Variants in NRL observed in about 807,000 individuals in gnomAD.
The protein encoded by NRL is neural retina leucine zipper, also known as neural retina-specific leucine zipper protein.
NRL carries 16 observed loss-of-function variants against 12.5 expected under a neutral mutation model. The ratio of observed to expected loss-of-function variants is 1.28; its 90% CI spans 0.87 to 1.95. The LOEUF (loss-of-function observed/expected upper bound fraction) is 1.95, where lower values mean the gene tolerates loss of function less well. Ranked by LOEUF, NRL falls within the 30% of genes most tolerant of loss-of-function variation. NRL has a pLI of 0.00. For missense variants in NRL, 314 were observed against 325.8 expected (o/e 0.96, Z 0.28); for synonymous variants, 142 against 150.9 (o/e 0.94, Z 0.43).
chr14:24,100,834 T>C (rs2037134362), intron 1 of NRL, among the ~76,000 whole-genome samples: 1 of 152,176 alleles, frequency 6.6e-6, no homozygotes, highest in Non-Finnish European at 1.5e-5. Context: ...ATCAGGTCAG[T>C]GCTTGAGTCT....
At chr14:24,102,443 C>T (rs939842504) in intron 1 of NRL, among the ~76,000 whole-genome samples, 1 of 152,128 alleles carries the variant, frequency 6.6e-6, no homozygotes, top group African/African-American at 2.4e-5. Context: ...CCATATCTAA[C>T]CCCATTCCCT....
In NRL at chr14:24,085,577, G is replaced by A. The variant is rs918730108; in HGVS notation, c.-27-2702C>T. Among the ~76,000 whole-genome samples, 2 of 152,174 alleles carry A rather than the reference G, an allele frequency of 1.3e-5. No individual in the cohort carries two copies. The highest frequency in any genetic ancestry group is 3.8e-4 in the East Asian group (2 of 5,204). On this transcript the variant is annotated intron_variant, in intron 1 of 2. Transcript: ENST00000561028. The surrounding 1 kb of genome is among the most constrained non-coding windows in gnomAD (Gnocchi z 4.1). ...ACCTGTCCGAAGCTGTTTAAATAGG[G>A]TCTATGGAGTTAAAGGCCACTTCCT...
chr14:24,100,670 A>T lies in NRL; in HGVS notation c.-28+14052T>A, dbSNP rs1041133535. 4.3e-6 allele frequency: 3 copies of T among 695,438 alleles called. No homozygotes were observed. In the African/African-American group the frequency reaches 5.8e-5, roughly 13 times the overall value. The allele number at this position is 695,438 out of a possible 1,614,324, so 43.1% of individuals were successfully genotyped here. ...TCCATAAAGTTTGGCCCATTAGGAAAAGAGGAAAGCTGCCTCCTCTGCTCC... is the reference window on the plus strand; with the variant it reads ...TCCATAAAGTTTGGCCCATTAGGAATAGAGGAAAGCTGCCTCCTCTGCTCC... On this transcript the variant is annotated intron_variant, in intron 1 of 2. Coordinates refer to ENST00000561028, the MANE Select transcript of NRL (RefSeq NM_001354768.3).
At position 24,086,195 on chromosome 14, in the gene NRL, C is replaced by G. The variant is rs184765997; in HGVS notation, c.-27-3320G>C. Among the ~76,000 whole-genome samples, 320 of 151,956 alleles carry G rather than the reference C, an allele frequency of 2.1e-3. 1 individual carries two copies. Among genetic ancestry groups the G allele is most frequent in the African/African-American group, 7.3e-3 (301 of 41,418 alleles). On this transcript the variant is annotated intron_variant, in intron 1 of 2. Transcript: ENST00000561028. ...TGCCCCTGCACTCCAGCTTGGGCAA[C>G]AGAGAGAGACTCCATCTCAAAAAAA... is the stretch of plus-strand genomic sequence containing the variant.
intron 1 of NRL, among the ~76,000 whole-genome samples, chr14:24,113,379 A>T (rs564080947): frequency 1.8e-4 from 25 of 139,034 alleles, no homozygotes; most frequent in African/African-American, 6.8e-4. Context: ...AGAGTATAAT[A>T]AAAAAAAAAA....
At chr14:24,101,134 C>T (rs1326428842) in intron 1 of NRL, among the ~76,000 whole-genome samples, 1 of 152,204 alleles carries the variant, frequency 6.6e-6, no homozygotes, top group Non-Finnish European at 1.5e-5. Context: ...CCTCAGCCTT[C>T]CCACCCAACT....
intron 1 of NRL, among the ~76,000 whole-genome samples, chr14:24,109,717 C>A (rs966815750): frequency 9.3e-5 from 14 of 149,834 alleles, no homozygotes; most frequent in African/African-American, 2.9e-4. Context: ...AAAAAAAAAT[C>A]TTTTATACGC....
intron 1 of NRL, among the ~76,000 whole-genome samples, chr14:24,113,602 A>G (rs2037462523): frequency 1.3e-5 from 2 of 152,252 alleles, no homozygotes; most frequent in Admixed American, 1.3e-4. Context: ...AATACCAGGC[A>G]CTTGCTTTAA....
At position 24,079,348 on chromosome 14, in the gene NRL, C is replaced by A. The variant is rs2036209712; in HGVS notation, c.*1888G>T. Among the ~76,000 whole-genome samples, 1 of 152,312 alleles carries A rather than the reference C, an allele frequency of 6.6e-6. No homozygotes were observed. The highest frequency in any genetic ancestry group is 3.4e-3 in the Middle Eastern group (1 of 294). On this transcript the variant is annotated 3_prime_UTR_variant, in exon 3 of 3. Coordinates refer to ENST00000561028, the MANE Select transcript of NRL (RefSeq NM_001354768.3). ...GAAATTTAGAGTGAGAGAAAAAGAG[C>A]TGGGCTCCCGGAAGGACCCTCCCTG...
At position 24,082,991 on chromosome 14, in the gene NRL, A is replaced by T. The variant is rs962284424; in HGVS notation, c.-27-116T>A. The T allele has an allele frequency of 1.1e-5, 11 of 990,722 alleles. No homozygotes were observed. In the Admixed American group the frequency reaches 1.9e-4, roughly 17 times the overall value. 61.4% of individuals were successfully genotyped at this position (990,722 alleles called of 1,614,324 possible). A position where few individuals can be genotyped will look rare whatever the true frequency, so the allele number is the denominator to read the frequency against. ...TGGAGCAAGAGTTTGGGAAAGCCAG[A>T]GGGATGGTGCAGCTCTGTTCACTGC... On this transcript the variant is annotated intron_variant, in intron 1 of 2. Transcript: ENST00000561028.
At chr14:24,104,165 C>G (rs2037285642) in intron 1 of NRL, 1 of 581,664 alleles carries the variant, frequency 1.7e-6, no homozygotes, top group Admixed American at 3.0e-5. Flanking sequence ...CCTATCTTCA[C>G]AGGCTTCCCT....
In NRL at chr14:24,080,433, T is replaced by C. The variant is rs527728224; in HGVS notation, c.*803A>G. 6.6e-6 allele frequency: 1 copy of C among 152,416 alleles called. No homozygotes were observed. Among genetic ancestry groups the C allele is most frequent in the Non-Finnish European group, 1.5e-5 (1 of 68,026 alleles). 9.4% of individuals were successfully genotyped at this position (152,416 alleles called of 1,614,324 possible). On this transcript the variant is annotated 3_prime_UTR_variant, in exon 3 of 3. Transcript: ENST00000561028. Reference sequence around the variant, plus strand: ...AGGAGGTGCCTTTGGCGAGATTGTCTTGGGGACTTCTTGGGGAGACCACCG... The same window carrying C: ...AGGAGGTGCCTTTGGCGAGATTGTCCTGGGGACTTCTTGGGGAGACCACCG...
chr14:24,114,262 T>C (rs2037482912), intron 1 of NRL: 1 of 152,094 alleles, frequency 6.6e-6, no homozygotes, highest in Admixed American at 6.5e-5. Context: ...TCTTAAAAAA[T>C]TGTCAGACCG....
intron 1 of NRL, chr14:24,095,465 A>G: frequency 3.0e-6 from 1 of 337,296 alleles, no homozygotes; most frequent in Non-Finnish European, 5.9e-6. Flanking sequence ...TCTACCCCAG[A>G]CAGACTCAAG....
At chr14:24,097,121 CCCA>C (rs2036921143) in intron 1 of NRL, 1 of 1,613,820 alleles carries the variant, frequency 6.2e-7, no homozygotes, top group Non-Finnish European at 8.5e-7. Context: ...CCGAAAGCTC[CCCA>C]AGTACAATAA....
intron 1 of NRL, chr14:24,099,243 G>A: frequency 6.3e-7 from 1 of 1,586,088 alleles, no homozygotes; most frequent in Non-Finnish European, 8.6e-7. Flanking sequence ...GCTGGTGAGG[G>A]CCTGGTGAGA....
At chr14:24,087,959 A>G (rs2036505102) in intron 1 of NRL, among the ~76,000 whole-genome samples, 1 of 152,068 alleles carries the variant, frequency 6.6e-6, no homozygotes, top group Admixed American at 6.5e-5. Context: ...CCTGGGGAGG[A>G]TGAGGGTGCA....
chr14:24,090,159 A>G (rs1195027834), intron 1 of NRL, among the ~76,000 whole-genome samples: 1 of 151,658 alleles, frequency 6.6e-6, no homozygotes, highest in East Asian at 1.9e-4. Context: ...CAACAATGAA[A>G]TAAGAGTCAG....
chr14:24,091,723 TA>T (rs2036638507), intron 1 of NRL, among the ~76,000 whole-genome samples: 1 of 152,072 alleles, frequency 6.6e-6, no homozygotes, highest in African/African-American at 2.4e-5. Context: ...TTTTTTTCAA[TA>T]TACACAAAGC....
Sources: allele counts gnomAD v4.1 joint callset (sites outside exome capture counted in the v4.1 genomes callset), GRCh38; gene constraint gnomAD v4.1.1; non-coding constraint Gnocchi (gnomAD v3.1); transcripts MANE v1.5; gene names NCBI Gene and HGNC (gene_info 2026-07-23, HGNC 2026-07-21).